ATP2B1: variants seen among roughly 807,000 people sequenced by gnomAD.
The protein encoded by ATP2B1 is plasma membrane calcium-transporting ATPase 1.
A neutral mutation model predicts 124.2 loss-of-function variants in ATP2B1; 14 were observed. The observed-to-expected ratio is 0.11, with a 90% CI of 0.07 to 0.18. The LOEUF (loss-of-function observed/expected upper bound fraction) is 0.18, where lower values mean the gene tolerates loss of function less well. ATP2B1 is among the 10% of genes least tolerant of loss of function. ATP2B1 has a pLI of 1.00. For missense variants in ATP2B1, 763 were observed against 1,466.1 expected (o/e 0.52, Z 7.83); for synonymous variants, 449 against 492.4 (o/e 0.91, Z 1.17).
intron 10 of ATP2B1, among the ~76,000 whole-genome samples, chr12:89,620,705 A>AGT (rs1879818113): frequency 1.3e-5 from 2 of 152,200 alleles, no homozygotes; most frequent in Admixed American, 1.3e-4. Context: ...TCTTAAATGC[A>AGT]GTGAGAAGCT....
chr12:89,645,262 AT>A (rs1333338540), intron 2 of ATP2B1, among the ~76,000 whole-genome samples: 1 of 152,240 alleles, frequency 6.6e-6, no homozygotes. Context: ...ATAGTTATTA[AT>A]TCAATTTTGG....
At chr12:89,690,522 C>T (rs1238903518) in intron 1 of ATP2B1, among the ~76,000 whole-genome samples, 1 of 151,732 alleles carries the variant, frequency 6.6e-6, no homozygotes, top group Non-Finnish European at 1.5e-5. Context: ...ATGTCAACAA[C>T]TTAAGTCCAA....
At chr12:89,629,374 T>C (rs1478986114) in intron 6 of ATP2B1, among the ~76,000 whole-genome samples, 1 of 152,186 alleles carries the variant, frequency 6.6e-6, no homozygotes. Flanking sequence ...ATGTAAAACA[T>C]TCAATAAATG....
chr12:89,652,545 G>A (rs982767683), intron 2 of ATP2B1, among the ~76,000 whole-genome samples: 2 of 152,146 alleles, frequency 1.3e-5, no homozygotes, highest in South Asian at 2.1e-4. Context: ...GTATTCTAAC[G>A]AAAGAGTACT....
intron 1 of ATP2B1, among the ~76,000 whole-genome samples, chr12:89,667,836 C>G (rs1004571021): frequency 6.6e-6 from 1 of 152,186 alleles, no homozygotes; most frequent in Non-Finnish European, 1.5e-5. Flanking sequence ...AGATTCGGTG[C>G]TATTCCTATC....
chr12:89,613,655 G>A (rs895413890), intron 12 of ATP2B1, among the ~76,000 whole-genome samples: 3 of 152,090 alleles, frequency 2.0e-5, no homozygotes, highest in Admixed American at 2.0e-4. Flanking sequence ...TCCTTGATTA[G>A]GTAGTATCCC....
At chr12:89,617,621 T>A (rs982080453) in intron 11 of ATP2B1, among the ~76,000 whole-genome samples, 2 of 152,320 alleles carry the variant, frequency 1.3e-5, no homozygotes, top group East Asian at 3.9e-4. Context: ...AAAATCATAC[T>A]ATATACCTAT....
intron 20 of ATP2B1, among the ~76,000 whole-genome samples, chr12:89,597,268 T>G (rs1874799978): frequency 6.6e-6 from 1 of 152,106 alleles, no homozygotes; most frequent in East Asian, 1.9e-4. Flanking sequence ...GCTAGGCAAT[T>G]TATGGTTACC....
chr12:89,618,129 A>G (rs2136060880), intron 11 of ATP2B1, among the ~76,000 whole-genome samples: 1 of 152,174 alleles, frequency 6.6e-6, no homozygotes, highest in South Asian at 2.1e-4. Context: ...TCCCTGATGC[A>G]AGAATTATCT....
intron 3 of ATP2B1, among the ~76,000 whole-genome samples, chr12:89,638,890 G>T (rs1444756468): frequency 6.6e-6 from 1 of 151,930 alleles, no homozygotes; most frequent in Non-Finnish European, 1.5e-5. Flanking sequence ...TTTTTATTTA[G>T]AATATACTAA....
chr12:89,655,590 C>T (rs17191974), intron 2 of ATP2B1, 89 bp downstream of exon 2: 213,365 of 1,240,606 alleles, frequency 0.17, 20,612 homozygotes, highest in Non-Finnish European at 0.2. Context: ...ATCATACAAT[C>T]GCCAAGATAA....
At chr12:89,696,926 G>A (rs937961714) in intron 1 of ATP2B1, among the ~76,000 whole-genome samples, 1 of 151,828 alleles carries the variant, frequency 6.6e-6, no homozygotes, top group East Asian at 1.9e-4. Flanking sequence ...TTTAGTCAAA[G>A]TAACTAGTGT....
chr12:89,642,328 T>C lies in ATP2B1; in HGVS notation c.236A>G (p.Glu79Gly). 6.2e-7 allele frequency: 1 copy of C among 1,613,468 alleles called. No individual in the cohort carries two copies. The highest frequency in any genetic ancestry group is 1.3e-5 in the African/African-American group (1 of 75,030). ...CTTTCCAAACACTGCTTCTCTTCTTTCTAAATCTGCAGGGTTTCCACTTAA... is the reference window on the plus strand; with the variant it reads ...CTTTCCAAACACTGCTTCTCTTCTTCCTAAATCTGCAGGGTTTCCACTTAA... The part of the protein sequence containing the change: ...EGLSGNPADL[E>G]RREAVFGKNF... Residue 79 changes from glutamate (E) to glycine (G), a missense_variant, in exon 3 of 21, where the codon GAA (glutamate) becomes GGA (glycine). Physicochemically the swap from Glu to Gly is moderately conservative, Grantham distance 98 (BLOSUM62 -2). Coordinates refer to ENST00000428670, the MANE Select transcript of ATP2B1 (RefSeq NM_001366521.1).
chr12:89,676,784 G>C (rs762717153), intron 1 of ATP2B1, among the ~76,000 whole-genome samples: 13 of 152,034 alleles, frequency 8.6e-5, no homozygotes, highest in Non-Finnish European at 1.8e-4. Flanking sequence ...AAAACAAAAC[G>C]TTCTGGCTCC....
chr12:89,592,004 A>T (rs1873662358), intron 20 of ATP2B1, among the ~76,000 whole-genome samples: 2 of 152,196 alleles, frequency 1.3e-5, no homozygotes, highest in East Asian at 3.9e-4. Context: ...ATCAAAAACA[A>T]AAACAAATCC....
chr12:89,611,450 G>A (rs1877993921), intron 12 of ATP2B1, 78 bp from the exon 13 acceptor site: 1 of 1,206,550 alleles, frequency 8.3e-7, no homozygotes, highest in Middle Eastern at 2.1e-4. Flanking sequence ...GCACACGACT[G>A]CATTAATTTA....
Position 89,656,005 on chromosome 12 carries a change from G to GT in ATP2B1, c.-120dup, listed in dbSNP as rs1217164017. The GT allele has an allele frequency of 1.4e-5, 14 of 1,030,482 alleles. No homozygotes were observed. The highest frequency in any genetic ancestry group is 2.9e-5 in the Admixed American group (1 of 34,200). The allele number at this position is 1,030,482 out of a possible 1,614,324, so 63.8% of individuals were successfully genotyped here. A position where few individuals can be genotyped will look rare whatever the true frequency, so the allele number is the denominator to read the frequency against. On this transcript the variant is annotated 5_prime_UTR_variant, in exon 2 of 21. The change abolishes the stop of an existing upstream ORF in the 5' untranslated region. Coordinates refer to ENST00000428670, the MANE Select transcript of ATP2B1 (RefSeq NM_001366521.1). ...ATCTTTCTTAAACCAAACACTCATTGTATGACTTTGTAAAGCAGCATCAGC... is the reference window on the plus strand; with the variant it reads ...ATCTTTCTTAAACCAAACACTCATTGTTATGACTTTGTAAAGCAGCATCAGC...
intron 20 of ATP2B1, among the ~76,000 whole-genome samples, chr12:89,592,707 T>C (rs1187492955): frequency 2.6e-5 from 4 of 152,064 alleles, no homozygotes; most frequent in Non-Finnish European, 5.9e-5. Flanking sequence ...AAATGGGAAA[T>C]AGCAATGGTA....
intron 18 of ATP2B1, among the ~76,000 whole-genome samples, 195 bp from the exon 19 acceptor site, chr12:89,601,628 T>C (rs1333598304): frequency 6.6e-6 from 1 of 152,106 alleles, no homozygotes; most frequent in Non-Finnish European, 1.5e-5. Flanking sequence ...CCACTTTGCC[T>C]CTTAGAAAAA....
Sources: gnomAD v4.1 joint callset for allele counts (sites outside exome capture counted in the v4.1 genomes callset) on GRCh38, gnomAD v4.1.1 for gene constraint, MANE v1.5 for transcripts, NCBI Gene and HGNC (gene_info 2026-07-23, HGNC 2026-07-21) for gene names.